Variants in STXBP5L observed in about 807,000 individuals in gnomAD.
STXBP5L encodes syntaxin-binding protein 5-like.
A neutral mutation model predicts 144.5 loss-of-function variants in STXBP5L; 65 were observed. That is an observed-to-expected ratio of 0.45 (90% CI 0.37 to 0.55). The LOEUF (loss-of-function observed/expected upper bound fraction) is 0.55, where lower values mean the gene tolerates loss of function less well. Ranked by LOEUF, STXBP5L falls within the 20% of genes least tolerant of loss-of-function variation. The probability of loss-of-function intolerance (pLI) is 0.00; values close to 1 mark genes in which losing one functional copy is unlikely to be tolerated. For synonymous variants in STXBP5L, 505 were observed against 469.6 expected, an observed-to-expected ratio of 1.08 and a Z score of -0.97; for missense variants, 1,298 against 1,405.5, an observed-to-expected ratio of 0.92 and a Z score of 1.22.
chr3:121,214,695 A>T (rs901774045), intron 10 of STXBP5L, among the ~76,000 whole-genome samples: 1 of 152,226 alleles, frequency 6.6e-6, no homozygotes, highest in Non-Finnish European at 1.5e-5. Context: ...TTTGTGGTGC[A>T]GAGTTCTGTA....
At chr3:121,031,989 C>G (rs1188500912) in intron 3 of STXBP5L, among the ~76,000 whole-genome samples, 1 of 152,002 alleles carries the variant, frequency 6.6e-6, no homozygotes, top group Non-Finnish European at 1.5e-5. Context: ...CAGTTTGTTA[C>G]GTGCTAAGTA....
intron 18 of STXBP5L, among the ~76,000 whole-genome samples, chr3:121,263,909 A>T (rs2050467209): frequency 1.3e-5 from 2 of 152,214 alleles, no homozygotes; most frequent in African/African-American, 4.8e-5. Context: ...ATCCAGGAGA[A>T]CTTCCCCAAC....
chr3:120,963,400 T>C (rs912312451), intron 3 of STXBP5L, among the ~76,000 whole-genome samples: 2 of 151,660 alleles, frequency 1.3e-5, no homozygotes, highest in Non-Finnish European at 3.0e-5. Flanking sequence ...CAGTATGATA[T>C]TGGCAGTATG....
chr3:120,976,929 T>C (rs1941105617), intron 3 of STXBP5L, among the ~76,000 whole-genome samples: 1 of 152,074 alleles, frequency 6.6e-6, no homozygotes, highest in South Asian at 2.1e-4. Flanking sequence ...ATAATTTCTG[T>C]TCTTTTACAT....
intron 11 of STXBP5L, among the ~76,000 whole-genome samples, chr3:121,231,932 T>C (rs2049322892): frequency 6.6e-6 from 1 of 152,076 alleles, no homozygotes. Flanking sequence ...TTTGATCCAC[T>C]CAAAGGGAGC....
intron 7 of STXBP5L, among the ~76,000 whole-genome samples, chr3:121,151,868 T>A (rs1364479886): frequency 6.6e-6 from 1 of 152,106 alleles, no homozygotes; most frequent in African/African-American, 2.4e-5. Flanking sequence ...GTCTTAAAGA[T>A]GATCATATTA....
intron 10 of STXBP5L, among the ~76,000 whole-genome samples, chr3:121,208,816 G>A (rs1451116063): frequency 6.6e-6 from 1 of 151,998 alleles, no homozygotes; most frequent in Admixed American, 6.6e-5. Flanking sequence ...TGTGTAAAAA[G>A]TGCAGGTTTG....
chr3:121,013,006 G>A (rs1944892169), intron 3 of STXBP5L, among the ~76,000 whole-genome samples: 2 of 131,458 alleles, frequency 1.5e-5, no homozygotes, highest in African/African-American at 5.8e-5. Context: ...CATCCATGTT[G>A]CTGCAATGGA....
intron 10 of STXBP5L, among the ~76,000 whole-genome samples, chr3:121,208,623 G>C (rs1383125685): frequency 6.6e-6 from 1 of 151,986 alleles, no homozygotes; most frequent in African/African-American, 2.4e-5. Context: ...ATTACTTATA[G>C]TTTAAGCTTT....
At chr3:121,234,256 T>C (rs1053986329) in intron 12 of STXBP5L, among the ~76,000 whole-genome samples, 1 of 152,162 alleles carries the variant, frequency 6.6e-6, no homozygotes, top group Non-Finnish European at 1.5e-5. Flanking sequence ...CTAATTTCCA[T>C]CATTGTATGT....
intron 3 of STXBP5L, among the ~76,000 whole-genome samples, chr3:120,969,900 A>T (rs564045118): frequency 6.6e-6 from 1 of 151,998 alleles, no homozygotes; most frequent in Non-Finnish European, 1.5e-5. Context: ...CTTTGTGGTT[A>T]AGTGAATTTC....
chr3:121,324,677 C>T (rs2044086283), intron 20 of STXBP5L: 2 of 572,618 alleles, frequency 3.5e-6, no homozygotes, highest in East Asian at 5.9e-5. Flanking sequence ...ACTTTATTCT[C>T]ATTTGTTGTG....
At chr3:121,155,755 A>G (rs2046091165) in intron 8 of STXBP5L, among the ~76,000 whole-genome samples, 1 of 151,838 alleles carries the variant, frequency 6.6e-6, no homozygotes, top group African/African-American at 2.4e-5. Flanking sequence ...CTCTAATAAC[A>G]AGTTGGTTTT....
intron 3 of STXBP5L, among the ~76,000 whole-genome samples, chr3:120,980,020 T>A (rs985654668): frequency 2.0e-5 from 3 of 152,200 alleles, no homozygotes; most frequent in Admixed American, 2.0e-4. Flanking sequence ...TTCCACATAT[T>A]TGTATCTTTT....
intron 20 of STXBP5L, among the ~76,000 whole-genome samples, chr3:121,348,794 G>A (rs760212259): frequency 7.9e-5 from 12 of 151,900 alleles, no homozygotes; most frequent in Admixed American, 2.6e-4. Context: ...CTGTGGGATC[G>A]GCGGTGATAT....
chr3:121,030,124 T>A (rs752714006), intron 3 of STXBP5L, among the ~76,000 whole-genome samples: 1 of 152,188 alleles, frequency 6.6e-6, no homozygotes, highest in Non-Finnish European at 1.5e-5. Context: ...GTGTGATGAT[T>A]CCTCAAGGAT....
intron 9 of STXBP5L, among the ~76,000 whole-genome samples, chr3:121,191,772 A>G (rs1327954644): frequency 6.6e-6 from 1 of 152,222 alleles, no homozygotes; most frequent in African/African-American, 2.4e-5. Context: ...GCAGCCATAT[A>G]AAAGGATGAG....
intron 19 of STXBP5L, among the ~76,000 whole-genome samples, chr3:121,296,544 G>A (rs2051657114): frequency 6.6e-6 from 1 of 152,082 alleles, no homozygotes; most frequent in Non-Finnish European, 1.5e-5. Context: ...TTTTCTATGG[G>A]GCTATGGAAG....
intron 20 of STXBP5L, among the ~76,000 whole-genome samples, chr3:121,367,813 C>T (rs564704392): frequency 2.3e-4 from 5 of 21,650 alleles, no homozygotes; most frequent in South Asian, 1.8e-3. Flanking sequence ...TTTGTAGAGA[C>T]CAGGTCTTCC....
Sources: gnomAD v4.1 joint callset for allele counts (sites outside exome capture counted in the v4.1 genomes callset) on GRCh38, gnomAD v4.1.1 for gene constraint, MANE v1.5 for transcripts, NCBI Gene and HGNC (gene_info 2026-07-23, HGNC 2026-07-21) for gene names.